ALDH1A2: variants seen among roughly 807,000 people sequenced by gnomAD.
ALDH1A2 encodes aldehyde dehydrogenase 1 family member A2.
A neutral mutation model predicts 60.3 loss-of-function variants in ALDH1A2; 27 were observed. The observed-to-expected ratio is 0.45, with a 90% CI of 0.33 to 0.62. The LOEUF (loss-of-function observed/expected upper bound fraction) is 0.62, where lower values mean the gene tolerates loss of function less well. ALDH1A2 is among the 20% of genes least tolerant of loss of function. The pLI, the probability that ALDH1A2 is intolerant of heterozygous loss-of-function variation, is 0.02. For missense variants in ALDH1A2, 581 were observed against 643.8 expected (o/e 0.90, Z 1.06); for synonymous variants, 289 against 232.4 (o/e 1.24, Z -2.21).
chr15:58,051,166 T>G (rs1896770113), intron 1 of ALDH1A2, among the ~76,000 whole-genome samples: 1 of 152,146 alleles, frequency 6.6e-6, no homozygotes, highest in African/African-American at 2.4e-5. Flanking sequence ...AAATTATTCC[T>G]TAAATGTGAT....
chr15:58,034,376 G>A (rs1436456116), intron 1 of ALDH1A2, among the ~76,000 whole-genome samples: 2 of 151,384 alleles, frequency 1.3e-5, no homozygotes, highest in Non-Finnish European at 3.0e-5. Context: ...TTTTTGGAGG[G>A]GGATTGATTC....
intron 8 of ALDH1A2, among the ~76,000 whole-genome samples, chr15:57,965,111 G>A (rs1893852107): frequency 1.3e-5 from 2 of 152,138 alleles, no homozygotes; most frequent in Non-Finnish European, 2.9e-5. Context: ...GGCCTAGGTG[G>A]CATCCTTCCT....
intron 1 of ALDH1A2, among the ~76,000 whole-genome samples, chr15:58,064,151 G>A (rs1424225938): frequency 2.0e-5 from 3 of 151,924 alleles, no homozygotes; most frequent in Admixed American, 6.6e-5. Flanking sequence ...AGAGGTTAGA[G>A]ACCCTCATAA....
chr15:58,058,952 G>A (rs577647057), intron 1 of ALDH1A2, among the ~76,000 whole-genome samples: 2 of 152,196 alleles, frequency 1.3e-5, no homozygotes, highest in Admixed American at 6.5e-5. Flanking sequence ...AGTCTAGGTG[G>A]TGAAATCACC....
At chr15:57,964,162 T>G in intron 8 of ALDH1A2, 93 bp from the exon 9 acceptor site, 1 of 1,374,852 alleles carries the variant, frequency 7.3e-7, no homozygotes, top group Non-Finnish European at 1.0e-6. Flanking sequence ...GCCCTAGGTA[T>G]AGTGTGCTCA....
chr15:58,050,731 G>A (rs1163573948), intron 1 of ALDH1A2, among the ~76,000 whole-genome samples: 1 of 152,188 alleles, frequency 6.6e-6, no homozygotes, highest in African/African-American at 2.4e-5. Context: ...TTAAGACCTA[G>A]TTCTAGTCAC....
chr15:58,044,983 T>G (rs1436165225), intron 1 of ALDH1A2, among the ~76,000 whole-genome samples: 1 of 151,956 alleles, frequency 6.6e-6, no homozygotes, highest in Non-Finnish European at 1.5e-5. Flanking sequence ...GCCAAAGTCT[T>G]TATAAAATGG....
At chr15:58,014,577 C>T in intron 1 of ALDH1A2, 1 of 480,366 alleles carries the variant, frequency 2.1e-6, no homozygotes, top group South Asian at 1.5e-5. Flanking sequence ...TACACTGATG[C>T]TAAGGCAAGA....
At chr15:58,052,479 T>G (rs1451577728) in intron 1 of ALDH1A2, among the ~76,000 whole-genome samples, 1 of 152,074 alleles carries the variant, frequency 6.6e-6, no homozygotes, top group Non-Finnish European at 1.5e-5. Flanking sequence ...TTTTTTTTAT[T>G]TTTTGAGAGG....
chr15:57,982,220 T>A (rs1344510769), intron 7 of ALDH1A2, among the ~76,000 whole-genome samples: 1 of 152,196 alleles, frequency 6.6e-6, no homozygotes, highest in Non-Finnish European at 1.5e-5. Context: ...GTAGGTACAA[T>A]CATCTCTAAT....
At chr15:58,036,564 C>T (rs367750432) in intron 1 of ALDH1A2, 16 of 151,690 alleles carry the variant, frequency 1.1e-4, no homozygotes, top group African/African-American at 3.9e-4. Flanking sequence ...TGAACAGCAC[C>T]AGTTGGAACT....
intron 4 of ALDH1A2, among the ~76,000 whole-genome samples, chr15:57,999,521 T>TA (rs1339014835): frequency 6.6e-6 from 1 of 151,802 alleles, no homozygotes; most frequent in African/African-American, 2.4e-5. Context: ...GGGCAATTAT[T>TA]AAAAAGTCAA....
In ALDH1A2 at chr15:57,961,308, A is replaced by C. The variant is rs548053383; in HGVS notation, c.1252-14T>G. 5.6e-6 allele frequency: 9 copies of C among 1,612,956 alleles called. No homozygotes were observed. The African/African-American group carries it at 1.1e-4, about 19-fold the overall frequency. ...AGGGCCAAAGATCTGCAAAAAGATAATATGACTCAACATGGTTGCTCTGTC... is the reference window on the plus strand; with the variant it reads ...AGGGCCAAAGATCTGCAAAAAGATACTATGACTCAACATGGTTGCTCTGTC... On this transcript the variant is annotated splice_polypyrimidine_tract_variant and intron_variant, in intron 10 of 12. Coordinates refer to ENST00000249750, the MANE Select transcript of ALDH1A2 (RefSeq NM_003888.4).
At chr15:58,001,239 A>ATCT (rs1302333918) in intron 4 of ALDH1A2, among the ~76,000 whole-genome samples, 1 of 151,920 alleles carries the variant, frequency 6.6e-6, no homozygotes, top group African/African-American at 2.4e-5. Flanking sequence ...CTGGACTTGG[A>ATCT]TCTGGGTCTT....
At chr15:57,988,252 T>A (rs1421043463) in intron 7 of ALDH1A2, among the ~76,000 whole-genome samples, 1 of 152,116 alleles carries the variant, frequency 6.6e-6, no homozygotes, top group Non-Finnish European at 1.5e-5. Flanking sequence ...TGAAGTAACA[T>A]AAAGTATTTA....
rs117821180 is a variant in ALDH1A2, at chr15:58,008,575, G to A, written c.493+2074C>T. The stretch of plus-strand genomic sequence containing the variant: ...GGAAGTAAAAGAAAACCAAGGTACC[G>A]TTAGGCCAAATAGAGATCTATGTGC... On this transcript the variant is annotated intron_variant, in intron 4 of 12. Transcript: ENST00000249750. Among the ~76,000 whole-genome samples, 37 of 152,164 alleles carry A rather than the reference G, an allele frequency of 2.4e-4. No homozygotes were observed. The East Asian group carries it at 2.5e-3, about 10-fold the overall frequency.
chr15:58,037,906 G>GT lies in ALDH1A2; in HGVS notation c.118-23626dup, dbSNP rs1298370356. ...TTGAACTCAAAAAGACACACTTTGTGTTTTTTTTAGTAACACACATCGTAA... is the reference window on the plus strand; with the variant it reads ...TTGAACTCAAAAAGACACACTTTGTGTTTTTTTTTAGTAACACACATCGTAA... On this transcript the variant is annotated intron_variant, in intron 1 of 12. Transcript: ENST00000249750. 4.9e-4 allele frequency among the ~76,000 whole-genome samples: 75 copies of GT among 151,598 alleles called. No homozygotes were observed. In the South Asian group the frequency reaches 0.015, roughly 31 times the overall value.
intron 12 of ALDH1A2, among the ~76,000 whole-genome samples, chr15:57,958,466 G>A (rs1215578123): frequency 6.6e-6 from 1 of 152,148 alleles, no homozygotes; most frequent in African/African-American, 2.4e-5. Flanking sequence ...AGAAAAGCTC[G>A]TCTCTGAGCC....
Position 57,992,955 on chromosome 15 carries a change from AG to A in ALDH1A2, c.673del (p.Leu225SerfsTer26). On this transcript the variant is annotated frameshift_variant, in exon 6 of 13. Transcript: ENST00000249750. LOFTEE classifies it high-confidence loss of function. Reference sequence around the variant, plus strand: ...GTCCGTTTCTCTTACCTCCTTGATGAGGGCTCCCATGTAGAGTGCACTGAGT... The same window carrying A: ...GTCCGTTTCTCTTACCTCCTTGATGAGGCTCCCATGTAGAGTGCACTGAGT... ...TPLSALYMGA[L>X]IKEAGFPPGV... 1 of 1,614,050 alleles carries A rather than the reference AG, an allele frequency of 6.2e-7. No homozygotes were observed. Among genetic ancestry groups the A allele is most frequent in the Non-Finnish European group, 8.5e-7 (1 of 1,179,972 alleles).
Sources: gnomAD v4.1 joint callset for allele counts (sites outside exome capture counted in the v4.1 genomes callset) on GRCh38, gnomAD v4.1.1 for gene constraint, MANE v1.5 for transcripts, NCBI Gene and HGNC (gene_info 2026-07-23, HGNC 2026-07-21) for gene names.